The following ELSPBP1 variants were observed in gnomAD, a reference collection of about 807,000 sequenced individuals.
ELSPBP1 encodes the protein epididymal sperm-binding protein 1.
In ELSPBP1, 38 loss-of-function variants were observed where a neutral mutation model predicts 33.3. That is an observed-to-expected ratio of 1.14 (90% CI 0.88 to 1.50). ELSPBP1 has a LOEUF of 1.50. Ranked by LOEUF, ELSPBP1 falls within the 40% of genes most tolerant of loss-of-function variation. ELSPBP1 has a pLI of 0.00. For missense variants in ELSPBP1, 267 were observed against 263.5 expected (o/e 1.01, Z -0.09); for synonymous variants, 85 against 94.1 (o/e 0.90, Z 0.56).
In ELSPBP1 at chr19:48,022,206, T is replaced by G. The variant is rs141592425; in HGVS notation, c.551T>G (p.Phe184Cys). 2 of 1,613,570 alleles carry G rather than the reference T, an allele frequency of 1.2e-6. No homozygotes were observed. The highest frequency in any genetic ancestry group is 2.7e-5 in the African/African-American group (2 of 74,920). ...TTGGTCCCTGGCTTTCCTTGTCACT[T>G]TCCGTTCAACTATAAAAACAAGAAT... ...SALVPGFPCHFPFNYKNKNYF... is the reference protein window; with the variant it reads ...SALVPGFPCHCPFNYKNKNYF... Residue 184 changes from phenylalanine (F) to cysteine (C), a missense_variant, in exon 6 of 7, where the codon TTT (phenylalanine) becomes TGT (cysteine). Phe to Cys is a radical substitution (Grantham distance 205). Transcript: ENST00000339841.
chr19:47,998,558 G>A (rs986709287), intron 1 of ELSPBP1, among the ~76,000 whole-genome samples: 1 of 152,008 alleles, frequency 6.6e-6, no homozygotes, highest in Non-Finnish European at 1.5e-5. Flanking sequence ...AGGCCGAGGC[G>A]GGCGGATCAC....
At chr19:48,001,569 T>G (rs1000337942) in intron 1 of ELSPBP1, among the ~76,000 whole-genome samples, 17 of 151,852 alleles carry the variant, frequency 1.1e-4, no homozygotes, top group African/African-American at 4.1e-4. Context: ...CCACACTCCT[T>G]TTTTTGAGAC....
intron 5 of ELSPBP1, 105 bp from the exon 6 acceptor site, chr19:48,022,065 A>G: frequency 9.2e-7 from 1 of 1,081,226 alleles, no homozygotes. Context: ...GCGAACCACC[A>G]CACTCAGCCC....
At position 48,022,216 on chromosome 19, in the gene ELSPBP1, C is replaced by T; in HGVS notation, c.561C>T (p.Asn187=). The T allele has an allele frequency of 1.2e-6, 2 of 1,613,782 alleles. No individual in the cohort carries two copies. The highest frequency in any genetic ancestry group is 1.7e-6 in the Non-Finnish European group (2 of 1,179,894). Residue 187 remains asparagine, a synonymous_variant, in exon 6 of 7, where the codon AAC becomes AAT. Transcript: ENST00000339841. ...VPGFPCHFPF[N]YKNKNYFNCT... ...GCTTTCCTTGTCACTTTCCGTTCAACTATAAAAACAAGAATTATTTTAACT... is the reference window on the plus strand; with the variant it reads ...GCTTTCCTTGTCACTTTCCGTTCAATTATAAAAACAAGAATTATTTTAACT...
In ELSPBP1 at chr19:48,005,274, C is replaced by T. The variant is rs371638459; in HGVS notation, c.-17-3377C>T. 3.4e-4 allele frequency among the ~76,000 whole-genome samples: 52 copies of T among 152,080 alleles called. No homozygotes were observed. In the South Asian group the frequency reaches 0.01, roughly 30 times the overall value. ...AGCTCAGCCTTGTAGAGGAGAGAGG[C>T]TGGAGGCTGCATATCAGTGAGGCAA... On this transcript the variant is annotated intron_variant, in intron 1 of 6. Transcript: ENST00000339841.
intron 1 of ELSPBP1, among the ~76,000 whole-genome samples, chr19:48,005,867 G>C (rs557989060): frequency 6.6e-6 from 1 of 152,260 alleles, no homozygotes; most frequent in South Asian, 2.1e-4. Flanking sequence ...CATATCTGGG[G>C]TAGTAATGGT....
At chr19:48,016,491 TCTTTC>T in intron 4 of ELSPBP1, among the ~76,000 whole-genome samples, 1 of 101,216 alleles carries the variant, frequency 9.9e-6, no homozygotes, top group African/African-American at 4.0e-5. Flanking sequence ...TTTCTTTCTT[TCTTTC>T]TTTCTTTCTT....
At chr19:48,010,417 T>A (rs1233493969) in intron 2 of ELSPBP1, among the ~76,000 whole-genome samples, 2 of 152,226 alleles carry the variant, frequency 1.3e-5, no homozygotes, top group African/African-American at 4.8e-5. Context: ...AGTATACACT[T>A]ACTGAGTGAT....
chr19:47,995,480 T>C (rs1966903836), intron 1 of ELSPBP1, among the ~76,000 whole-genome samples: 1 of 152,162 alleles, frequency 6.6e-6, no homozygotes, highest in Non-Finnish European at 1.5e-5. Flanking sequence ...TAAGGCTTAC[T>C]CTCCCTATTT....
At chr19:48,000,097 A>G (rs551708821) in intron 1 of ELSPBP1, among the ~76,000 whole-genome samples, 305 of 152,222 alleles carry the variant, frequency 2.0e-3, no homozygotes, top group African/African-American at 7.1e-3. Flanking sequence ...AAGTGCTGGG[A>G]TTACAGGCCT....
intron 1 of ELSPBP1, among the ~76,000 whole-genome samples, chr19:48,003,539 CTTTT>C (rs34961390): frequency 3.6e-5 from 5 of 138,872 alleles, no homozygotes; most frequent in Non-Finnish European, 1.6e-5. Flanking sequence ...CACCCCTGCT[CTTTT>C]TTTTTTTTTT....
At position 48,022,267 on chromosome 19, in the gene ELSPBP1, C is replaced by A; in HGVS notation, c.612C>A (p.Asn204Lys). The A allele has an allele frequency of 6.2e-7, 1 of 1,613,786 alleles. No homozygotes were observed. The highest frequency in any genetic ancestry group is 8.5e-7 in the Non-Finnish European group (1 of 1,179,878). Residue 204 changes from asparagine to lysine, a missense_variant, in exon 6 of 7, where the codon AAC (asparagine) becomes AAA (lysine). Transcript: ENST00000339841. ...FNCTNEGSKE[N>K]LVWCATSYNY... ...GCACTAACGAAGGATCAAAGGAGAACCTTGTGTGGTGTGCAACTTCTTACA... is the reference window on the plus strand; with the variant it reads ...GCACTAACGAAGGATCAAAGGAGAAACTTGTGTGGTGTGCAACTTCTTACA...
At chr19:48,014,079 A>T in intron 2 of ELSPBP1, 92 bp from the exon 3 acceptor site, 1 of 1,446,168 alleles carries the variant, frequency 6.9e-7, no homozygotes, top group Non-Finnish European at 9.5e-7. Context: ...GAACACGGAC[A>T]TTCATATTAA....
At chr19:47,999,976 T>A (rs1305991110) in intron 1 of ELSPBP1, among the ~76,000 whole-genome samples, 1 of 151,438 alleles carries the variant, frequency 6.6e-6, no homozygotes, top group Non-Finnish European at 1.5e-5. Flanking sequence ...GTGTGCACCA[T>A]CTTGCTCAAC....
chr19:48,008,612 G>A, intron 1 of ELSPBP1, 39 bp from the exon 2 acceptor site: 4 of 1,430,532 alleles, frequency 2.8e-6, no homozygotes, highest in Middle Eastern at 3.6e-4. Context: ...AAGAGGAAGG[G>A]GACGTGTGGG....
chr19:48,019,670 C>A (rs1790734799), intron 4 of ELSPBP1, 49 bp from the exon 5 acceptor site: 1 of 1,569,566 alleles, frequency 6.4e-7, no homozygotes, highest in Non-Finnish European at 8.7e-7. Flanking sequence ...AATGGAAGCT[C>A]TTTTCATCTC....
chr19:48,001,164 CCTCT>C (rs961407190), intron 1 of ELSPBP1, among the ~76,000 whole-genome samples: 17 of 149,198 alleles, frequency 1.1e-4, no homozygotes, highest in East Asian at 4.0e-4. Flanking sequence ...GACTCTCCTG[CCTCT>C]CTCTCTGTTT....
At chr19:48,022,452 C>T (rs1227460214) in intron 6 of ELSPBP1, 118 bp downstream of exon 6, 9 of 920,648 alleles carry the variant, frequency 9.8e-6, no homozygotes, top group South Asian at 2.4e-5. Context: ...TGATTAGCGT[C>T]GCTGATGTGA....
At chr19:48,000,118 G>A (rs1182319895) in intron 1 of ELSPBP1, among the ~76,000 whole-genome samples, 2 of 150,932 alleles carry the variant, frequency 1.3e-5, no homozygotes, top group East Asian at 2.0e-4. Flanking sequence ...GAGCCCGCAC[G>A]CCCAGCCTAT....
Sources: allele counts gnomAD v4.1 joint callset (sites outside exome capture counted in the v4.1 genomes callset), GRCh38; gene constraint gnomAD v4.1.1; transcripts MANE v1.5; gene names NCBI Gene and HGNC (gene_info 2026-07-23, HGNC 2026-07-21).